The following CLTA variants were observed in gnomAD, a reference collection of about 807,000 sequenced individuals.
CLTA encodes the protein clathrin, light polypeptide (Lca).
In CLTA, 9 loss-of-function variants were observed where a neutral mutation model predicts 26.9. The ratio of observed to expected loss-of-function variants is 0.33; its 90% CI spans 0.20 to 0.58. The LOEUF is 0.58. CLTA is among the 20% of genes least tolerant of loss of function. The pLI is 0.85. For missense variants in CLTA, 278 were observed against 294.2 expected, an observed-to-expected ratio of 0.94 and a Z score of 0.40; for synonymous variants, 120 against 115.5, an observed-to-expected ratio of 1.04 and a Z score of -0.25.
chr9:36,208,790 G>A (rs1207443081), intron 4 of CLTA, among the ~76,000 whole-genome samples: 1 of 152,154 alleles, frequency 6.6e-6, no homozygotes, highest in Non-Finnish European at 1.5e-5. Flanking sequence ...AGTAGAAAGA[G>A]CCCTGGACTT....
intron 1 of CLTA, among the ~76,000 whole-genome samples, chr9:36,195,637 T>C (rs955896925): frequency 6.6e-6 from 1 of 152,136 alleles, no homozygotes; most frequent in African/African-American, 2.4e-5. Context: ...GGTAGACTAA[T>C]AGGAACAAGT....
In CLTA at chr9:36,212,005, C is replaced by T. The variant is rs1311963424; in HGVS notation, c.*231C>T. On this transcript the variant is annotated 3_prime_UTR_variant, in exon 5 of 5. Transcript: ENST00000345519. ...GGGAGGGAAGCTTCCCAAGAGTAGCCTCAACCTGTGCTTCTGTGCATTATT... is the reference window on the plus strand; with the variant it reads ...GGGAGGGAAGCTTCCCAAGAGTAGCTTCAACCTGTGCTTCTGTGCATTATT... 1.5e-6 allele frequency: 1 copy of T among 676,764 alleles called. No individual in the cohort carries two copies. The highest frequency in any genetic ancestry group is 2.8e-5 in the East Asian group (1 of 35,528). The allele number at this position is 676,764 out of a possible 1,614,324, so 41.9% of individuals were successfully genotyped here.
intron 4 of CLTA, among the ~76,000 whole-genome samples, chr9:36,205,337 A>C (rs1443921906): frequency 6.6e-6 from 1 of 152,028 alleles, no homozygotes; most frequent in Non-Finnish European, 1.5e-5. Context: ...GCCAGTGGTG[A>C]TGGCTTCCAT....
At position 36,210,269 on chromosome 9, in the gene CLTA, G is replaced by A. The variant is rs555056470; in HGVS notation, c.486-1334G>A. Among the ~76,000 whole-genome samples the A allele has an allele frequency of 9.2e-5, 14 of 152,258 alleles. 1 individual carries two copies. The South Asian group carries it at 2.9e-3, about 32-fold the overall frequency. On this transcript the variant is annotated intron_variant, in intron 4 of 4. Transcript: ENST00000345519. ...CTGTGGAAGGTGGGCGATGAGCTCA[G>A]GTCTGTAGAGCCTCTCAGGGCCTAT...
At chr9:36,199,596 G>A (rs959658348) in intron 3 of CLTA, among the ~76,000 whole-genome samples, 13 of 148,634 alleles carry the variant, frequency 8.7e-5, no homozygotes, top group South Asian at 2.2e-4. Flanking sequence ...GTCTACAGGC[G>A]CCCGCCACTA....
chr9:36,190,972 C>G lies in CLTA; in HGVS notation c.-85C>G. The G allele has an allele frequency of 6.9e-7, 1 of 1,457,634 alleles. No homozygotes were observed. The highest frequency in any genetic ancestry group is 9.0e-7 in the Non-Finnish European group (1 of 1,115,110). 90.3% of individuals were successfully genotyped at this position (1,457,634 alleles called of 1,614,324 possible). ...CTTGTCCTCCTCTCCCAGTCGGCAC[C>G]ACAGCGGTGGCTGCCGGGCGTGGTG... On this transcript the variant is annotated 5_prime_UTR_variant, in exon 1 of 5. Transcript: ENST00000345519.
At chr9:36,195,514 T>C (rs968455042) in intron 1 of CLTA, among the ~76,000 whole-genome samples, 1 of 152,130 alleles carries the variant, frequency 6.6e-6, no homozygotes, top group Admixed American at 6.5e-5. Context: ...GAGTTTGTTT[T>C]TTTTTTCCAT....
chr9:36,197,586 C>G lies in CLTA; in HGVS notation c.253C>G (p.Gln85Glu). The G allele has an allele frequency of 6.2e-7, 1 of 1,605,454 alleles. No homozygotes were observed. The highest frequency in any genetic ancestry group is 1.3e-5 in the African/African-American group (1 of 74,806). Residue 85 changes from glutamine to glutamate, a missense_variant and splice_region_variant, in exon 2 of 5, where the codon CAG (glutamine) becomes GAG (glutamate). Gln to Glu is a conservative substitution (Grantham distance 29, BLOSUM62 2). Coordinates refer to ENST00000345519, the MANE Select transcript of CLTA (RefSeq NM_001833.4). The stretch of plus-strand genomic sequence containing the variant: ...TGGAGTAATGAATGGTGAATACTAC[C>G]AGGTACAGAGTACTCTGATTCTGTT... The part of the protein sequence containing the change: ...VDGVMNGEYY[Q>E]ESNGPTDSYA...
Position 36,190,993 on chromosome 9 carries a change from T to A in CLTA, c.-64T>A. On this transcript the variant is annotated 5_prime_UTR_variant, in exon 1 of 5. Transcript: ENST00000345519. ...GCACCACAGCGGTGGCTGCCGGGCG[T>A]GGTGTCGGTGGGTCGGTTGGTTTTT... 1 of 1,465,248 alleles carries A rather than the reference T, an allele frequency of 6.8e-7. No homozygotes were observed. Among genetic ancestry groups the A allele is most frequent in the Non-Finnish European group, 8.9e-7 (1 of 1,118,708 alleles). The allele number at this position is 1,465,248 out of a possible 1,614,324, so 90.8% of individuals were successfully genotyped here.
intron 3 of CLTA, among the ~76,000 whole-genome samples, chr9:36,201,167 A>G (rs537567265): frequency 3.3e-5 from 5 of 152,224 alleles, no homozygotes; most frequent in Non-Finnish European, 5.9e-5. Context: ...TGAGAGAAGT[A>G]CAACATTTGG....
chr9:36,202,529 T>G (rs1563913534), intron 3 of CLTA, among the ~76,000 whole-genome samples: 1 of 152,200 alleles, frequency 6.6e-6, no homozygotes, highest in Non-Finnish European at 1.5e-5. Context: ...TTTCTGTCCC[T>G]CCCTTTGGAG....
At chr9:36,197,114 A>G (rs1256760771) in intron 1 of CLTA, among the ~76,000 whole-genome samples, 4 of 152,202 alleles carry the variant, frequency 2.6e-5, no homozygotes, top group African/African-American at 7.2e-5. Flanking sequence ...GGTCGAGGCT[A>G]CAGTAAGCCA....
At chr9:36,211,442 G>C in intron 4 of CLTA, 161 bp from the exon 5 acceptor site, 1 of 377,184 alleles carries the variant, frequency 2.7e-6, no homozygotes, top group South Asian at 1.1e-4. Context: ...AGCCAGCTAC[G>C]TGTCTACCTG....
At position 36,191,231 on chromosome 9, in the gene CLTA, G is replaced by A. The variant is rs2132840575; in HGVS notation, c.175G>A (p.Ala59Thr). The change falls in exon 1 of 5, where the codon GCC (alanine) becomes ACC (threonine). Residue 59 changes from alanine to threonine, a missense_variant. Ala to Thr is a moderately conservative substitution (Grantham distance 58, BLOSUM62 0). Transcript: ENST00000345519. ...DEAFAILDGG[A>T]PGPQPHGEPP... ...GGCCTTCGCCATCCTGGACGGCGGC[G>A]CCCCCGGGCCCCAGCCGCACGGCGA... 6.5e-7 allele frequency: 1 copy of A among 1,540,402 alleles called. No individual in the cohort carries two copies. The highest frequency in any genetic ancestry group is 8.7e-7 in the Non-Finnish European group (1 of 1,147,372).
At chr9:36,209,419 A>G in intron 4 of CLTA, 1 of 961,896 alleles carries the variant, frequency 1.0e-6, no homozygotes, top group South Asian at 1.4e-5. Flanking sequence ...TGCTTTTTAA[A>G]TTATTTCAAA....
chr9:36,198,887 A>AC lies in CLTA; in HGVS notation c.256-92_256-91insC, dbSNP rs1330294106. ...AAAACTCTGTCTCAAAAAAAAAAAA[A>AC]AAAAACAGAACCAGGGGTTCTAACT... On this transcript the variant is annotated intron_variant, in intron 2 of 4. Coordinates refer to ENST00000345519, the MANE Select transcript of CLTA (RefSeq NM_001833.4). The AC allele has an allele frequency of 8.3e-6, 7 of 838,466 alleles. No homozygotes were observed. In the East Asian group the frequency reaches 1.9e-4, roughly 22 times the overall value. 51.9% of individuals were successfully genotyped at this position (838,466 alleles called of 1,614,324 possible). A position where few individuals can be genotyped will look rare whatever the true frequency, so the allele number is the denominator to read the frequency against.
intron 1 of CLTA, among the ~76,000 whole-genome samples, chr9:36,191,963 A>G (rs1342256256): frequency 6.6e-6 from 1 of 152,194 alleles, no homozygotes; most frequent in African/African-American, 2.4e-5. Context: ...ATTAGCCTAA[A>G]CCAATCAGGG....
At chr9:36,202,291 C>T (rs1052155085) in intron 3 of CLTA, among the ~76,000 whole-genome samples, 1 of 152,156 alleles carries the variant, frequency 6.6e-6, no homozygotes, top group African/African-American at 2.4e-5. Context: ...TATAGTTACA[C>T]ACAGCCTTTT....
At chr9:36,194,377 A>C (rs1826911434) in intron 1 of CLTA, among the ~76,000 whole-genome samples, 1 of 152,166 alleles carries the variant, frequency 6.6e-6, no homozygotes, top group Non-Finnish European at 1.5e-5. Flanking sequence ...ATTAAAGGGA[A>C]GCTTTCTGGA....
Sources: gnomAD v4.1 joint callset for allele counts (sites outside exome capture counted in the v4.1 genomes callset) on GRCh38, gnomAD v4.1.1 for gene constraint, MANE v1.5 for transcripts, NCBI Gene and HGNC (gene_info 2026-07-23, HGNC 2026-07-21) for gene names.